CSMD1: variants seen among roughly 807,000 people sequenced by gnomAD.
The protein encoded by CSMD1 is CUB and sushi domain-containing protein 1.
Under a neutral mutation model 417.5 loss-of-function variants are expected in CSMD1, and 213 were observed. The observed-to-expected ratio is 0.51, with a 90% confidence interval of 0.46 to 0.57. CSMD1 has a LOEUF of 0.57. CSMD1 is among the 20% of genes least tolerant of loss of function. CSMD1 has a pLI of 0.00. For missense variants in CSMD1, 6,923 were observed against 4,529.7 expected (o/e 1.53, Z -15.17); for synonymous variants, 2,862 against 1,736.8 (o/e 1.65, Z -16.11).
At chr8:4,165,421 G>C (rs1271246194) in intron 3 of CSMD1, among the ~76,000 whole-genome samples, 1 of 152,198 alleles carries the variant, frequency 6.6e-6, no homozygotes, top group Non-Finnish European at 1.5e-5. Flanking sequence ...ATCATGTTTT[G>C]TTTGAGGTGG....
chr8:4,122,170 A>T (rs73504987), intron 3 of CSMD1, among the ~76,000 whole-genome samples: 4,472 of 152,260 alleles, frequency 0.029, 232 homozygotes, highest in African/African-American at 0.1. Flanking sequence ...GACAGACTTG[A>T]TAAGAATGAC....
Position 4,594,195 on chromosome 8 carries a change from C to CTTT in CSMD1, c.302+43144_302+43146dup, listed in dbSNP as rs771415822. Among the ~76,000 whole-genome samples the CTTT allele has an allele frequency of 5.6e-3, 519 of 92,272 alleles. 17 individuals carry two copies. The highest frequency in any genetic ancestry group is 0.018 in the African/African-American group (417 of 23,198). The allele number at this position is 92,272 out of a possible 152,430, so 60.5% of individuals were successfully genotyped here. A position where few individuals can be genotyped will look rare whatever the true frequency, so the allele number is the denominator to read the frequency against. On this transcript the variant is annotated intron_variant, in intron 2 of 69. Transcript: ENST00000635120. ...TTAACTTGATTAATTCTAAAGTGAT[C>CTTT]TTTTTTTTTTTTTTTTTTTTTTCTC... is the stretch of plus-strand genomic sequence containing the variant.
At chr8:3,595,583 A>T (rs150744124) in intron 8 of CSMD1, among the ~76,000 whole-genome samples, 161 of 152,294 alleles carry the variant, frequency 1.1e-3, no homozygotes, top group African/African-American at 3.8e-3. Context: ...CTTAATGACA[A>T]TCAAAATATA....
intron 7 of CSMD1, among the ~76,000 whole-genome samples, chr8:3,627,941 G>C (rs1256260697): frequency 2.0e-5 from 3 of 152,084 alleles, no homozygotes; most frequent in Non-Finnish European, 4.4e-5. Flanking sequence ...AAGTTGAAAA[G>C]GAAAATGAGA....
At chr8:4,950,956 T>C (rs1189080991) in intron 1 of CSMD1, among the ~76,000 whole-genome samples, 1 of 143,894 alleles carries the variant, frequency 6.9e-6, no homozygotes, top group African/African-American at 2.7e-5. Context: ...ACTTGGAGAC[T>C]TGTGGTAAAA....
At chr8:3,572,126 G>C (rs930131217) in intron 10 of CSMD1, among the ~76,000 whole-genome samples, 1 of 152,210 alleles carries the variant, frequency 6.6e-6, no homozygotes, top group Non-Finnish European at 1.5e-5. Flanking sequence ...AGAGCTGTGA[G>C]AATTCACCTC....
intron 8 of CSMD1, among the ~76,000 whole-genome samples, chr8:3,616,220 G>T (rs1396040014): frequency 6.6e-6 from 1 of 152,114 alleles, no homozygotes; most frequent in African/African-American, 2.4e-5. Flanking sequence ...GTCATGGGAG[G>T]GACCGGTGAG....
intron 3 of CSMD1, among the ~76,000 whole-genome samples, chr8:4,295,170 G>C (rs565662664): frequency 7.1e-6 from 1 of 140,194 alleles, no homozygotes; most frequent in African/African-American, 2.6e-5. Flanking sequence ...ATAATCTTAA[G>C]ATTATATAAT....
chr8:4,484,939 C>T (rs527745211), intron 2 of CSMD1, among the ~76,000 whole-genome samples: 97 of 128,106 alleles, frequency 7.6e-4, no homozygotes, highest in Admixed American at 2.6e-3. Flanking sequence ...TGCCACTGCA[C>T]TCCAGCACTC....
chr8:3,073,315 G>A (rs1275189989), intron 49 of CSMD1, among the ~76,000 whole-genome samples: 1 of 150,446 alleles, frequency 6.6e-6, no homozygotes, highest in African/African-American at 2.4e-5. Flanking sequence ...AAAGTAGTTG[G>A]AATTTTAAAT....
chr8:4,206,017 A>G (rs2131270444), intron 3 of CSMD1, among the ~76,000 whole-genome samples: 1 of 152,184 alleles, frequency 6.6e-6, no homozygotes, highest in African/African-American at 2.4e-5. Flanking sequence ...TTCAGAAACT[A>G]CATAGTTCCT....
intron 1 of CSMD1, among the ~76,000 whole-genome samples, chr8:4,645,918 C>A (rs551686431): frequency 6.6e-6 from 1 of 152,196 alleles, no homozygotes; most frequent in South Asian, 2.1e-4. Flanking sequence ...GATTTCAAGG[C>A]CATGTAACAC....
At chr8:4,248,322 C>A in intron 3 of CSMD1, among the ~76,000 whole-genome samples, 1 of 152,116 alleles carries the variant, frequency 6.6e-6, no homozygotes, top group East Asian at 1.9e-4. Context: ...TCAATCAATG[C>A]ATGAAAGTTT....
chr8:3,092,831 G>T (rs1164817900), intron 47 of CSMD1, among the ~76,000 whole-genome samples: 1 of 152,114 alleles, frequency 6.6e-6, no homozygotes, highest in Admixed American at 6.5e-5. Context: ...ACTCGTAAAA[G>T]CGTTCATGGC....
chr8:4,424,946 G>A (rs1450090686), intron 2 of CSMD1, among the ~76,000 whole-genome samples: 1 of 151,872 alleles, frequency 6.6e-6, no homozygotes, highest in Non-Finnish European at 1.5e-5. Context: ...AGACTGAGAG[G>A]TACTCAAGAA....
intron 5 of CSMD1, among the ~76,000 whole-genome samples, chr8:3,934,909 G>T (rs770842496): frequency 2.0e-5 from 3 of 151,926 alleles, no homozygotes; most frequent in African/African-American, 7.3e-5. Context: ...TTTCCAAGAA[G>T]AACATTATAA....
At chr8:4,024,341 G>T (rs1370748856) in intron 4 of CSMD1, among the ~76,000 whole-genome samples, 1 of 152,092 alleles carries the variant, frequency 6.6e-6, no homozygotes, top group African/African-American at 2.4e-5. Context: ...ACCAGAAATG[G>T]TTAAATCTTA....
chr8:3,002,860 C>A (rs1408316527), intron 52 of CSMD1, among the ~76,000 whole-genome samples: 1 of 152,144 alleles, frequency 6.6e-6, no homozygotes, highest in African/African-American at 2.4e-5. Flanking sequence ...CATTTCGGTT[C>A]TCTGAGGAAT....
intron 1 of CSMD1, among the ~76,000 whole-genome samples, chr8:4,975,627 T>C (rs1339471167): frequency 6.6e-6 from 1 of 152,144 alleles, no homozygotes; most frequent in Non-Finnish European, 1.5e-5. Context: ...AAGTATTGCA[T>C]CCGAACAAAA....
Sources: gnomAD v4.1 joint callset for allele counts (sites outside exome capture counted in the v4.1 genomes callset) on GRCh38, gnomAD v4.1.1 for gene constraint, MANE v1.5 for transcripts, NCBI Gene and HGNC (gene_info 2026-07-23, HGNC 2026-07-21) for gene names.